ABCA5: variants seen among roughly 807,000 people sequenced by gnomAD.
ABCA5 encodes ATP binding cassette subfamily A member 5.
In ABCA5, 163 loss-of-function variants were observed where a neutral mutation model predicts 206.0. The ratio of observed to expected loss-of-function variants is 0.79; its 90% CI spans 0.70 to 0.90. ABCA5 has a LOEUF of 0.90. Ranked by LOEUF, ABCA5 falls within the 40% of genes least tolerant of loss-of-function variation. ABCA5 has a pLI of 0.00. For missense variants in ABCA5, 1,859 were observed against 1,912.9 expected, an observed-to-expected ratio of 0.97 and a Z score of 0.53; for synonymous variants, 609 against 613.8, an observed-to-expected ratio of 0.99 and a Z score of 0.11.
At chr17:69,302,281 C>A (rs494946) in intron 8 of ABCA5, among the ~76,000 whole-genome samples, 2 of 151,898 alleles carry the variant, frequency 1.3e-5, no homozygotes, top group Admixed American at 6.6e-5. Flanking sequence ...CCTGGGCCAA[C>A]AAAATCCACC....
intron 23 of ABCA5, among the ~76,000 whole-genome samples, chr17:69,267,488 T>G (rs1180534054): frequency 6.6e-6 from 1 of 152,222 alleles, no homozygotes; most frequent in East Asian, 1.9e-4. Flanking sequence ...ACAATCACTT[T>G]CATCTATTTT....
intron 1 of ABCA5, among the ~76,000 whole-genome samples, chr17:69,315,644 G>A (rs779394434): frequency 5.9e-5 from 9 of 152,192 alleles, no homozygotes; most frequent in Non-Finnish European, 1.0e-4. Flanking sequence ...TTAGCTGGGT[G>A]TGGTGGCACA....
rs1555584087 is a variant in ABCA5 at position 69,303,797 on chromosome 17, T to TATAC, written c.930+871_930+872insGTAT. Among the ~76,000 whole-genome samples the TATAC allele has an allele frequency of 6.1e-4, 4 of 6,546 alleles. 2 individuals carry two copies. The Non-Finnish European group carries it at 8.0e-3, about 13-fold the overall frequency. The allele number at this position is 6,546 out of a possible 152,430, so 4.3% of individuals were successfully genotyped here. A position where few individuals can be genotyped will look rare whatever the true frequency, so the allele number is the denominator to read the frequency against. On this transcript the variant is annotated intron_variant, in intron 7 of 38. Transcript: ENST00000392676. ...AAAAAAAAAAAAAAATATATATATA[T>TATAC]ATATATATATACATACATATATATA...
At chr17:69,263,887 G>A (rs2075179036) in intron 24 of ABCA5, among the ~76,000 whole-genome samples, 1 of 151,602 alleles carries the variant, frequency 6.6e-6, no homozygotes, top group South Asian at 2.1e-4. Flanking sequence ...TAGTAGAGAT[G>A]GTGTTTCACT....
At chr17:69,299,142 A>G (rs1052842186) in intron 9 of ABCA5, among the ~76,000 whole-genome samples, 5 of 152,172 alleles carry the variant, frequency 3.3e-5, no homozygotes, top group Admixed American at 2.0e-4. Flanking sequence ...GAGAATGGCC[A>G]TTATCGAAAC....
intron 35 of ABCA5, chr17:69,251,115 G>A (rs969489292): frequency 2.2e-4 from 34 of 152,968 alleles, no homozygotes; most frequent in African/African-American, 8.2e-4. Flanking sequence ...TGGGTTATGG[G>A]TTTTGGAGAG....
rs551319427 is a variant in ABCA5, at chr17:69,278,293, T to C, written c.2393-451A>G. Among the ~76,000 whole-genome samples the C allele has an allele frequency of 1.1e-4, 17 of 152,302 alleles. No homozygotes were observed. In the East Asian group the frequency reaches 3.3e-3, roughly 29 times the overall value. On this transcript the variant is annotated intron_variant, in intron 18 of 38. Coordinates refer to ENST00000392676, the MANE Select transcript of ABCA5 (RefSeq NM_172232.4). ...ACTGGATACATATCCATATTTAAGA[T>C]CTTATTATCTCTGTATCTGTATAAT...
At chr17:69,303,594 T>A (rs1443015109) in intron 7 of ABCA5, among the ~76,000 whole-genome samples, 1 of 144,298 alleles carries the variant, frequency 6.9e-6, no homozygotes, top group African/African-American at 2.6e-5. Context: ...TAAACTTAAT[T>A]TATTCATAAG....
In ABCA5 at chr17:69,306,821, G is replaced by T; in HGVS notation, c.692C>A (p.Pro231His). 6.3e-7 allele frequency: 1 copy of T among 1,596,454 alleles called. No homozygotes were observed. Residue 231 changes from proline (P) to histidine (H), a missense_variant, in exon 6 of 39, where the codon CCT (proline) becomes CAT (histidine). Transcript: ENST00000392676. The stretch of plus-strand genomic sequence containing the variant: ...ATGAATTGCCAAAAAGTATCCAAAA[G>T]GTGAAAATGCTATAACTAGGTATAT... The part of the protein sequence containing the change: ...ILIYLVIAFS[P>H]FGYFLAIHIV...
chr17:69,287,484 C>T, intron 15 of ABCA5, 129 bp downstream of exon 15: 1 of 1,298,504 alleles, frequency 7.7e-7, no homozygotes, highest in Non-Finnish European at 1.0e-6. Context: ...TTTTTTAGAA[C>T]TTTTTTTGTG....
At chr17:69,321,473 C>T (rs887853737) in intron 1 of ABCA5, among the ~76,000 whole-genome samples, 3 of 152,138 alleles carry the variant, frequency 2.0e-5, no homozygotes, top group African/African-American at 7.2e-5. Context: ...TCTTTCTATA[C>T]TAGAATTCCA....
intron 20 of ABCA5, 65 bp downstream of exon 20, chr17:69,273,894 T>C: frequency 6.9e-7 from 1 of 1,452,098 alleles, no homozygotes; most frequent in Non-Finnish European, 9.2e-7. Context: ...AATCCAGACC[T>C]TTATCCACCC....
At position 69,277,786 on chromosome 17, in the gene ABCA5, CAA is replaced by C. The variant is rs752885185; in HGVS notation, c.2447_2448del (p.Phe816Ter). 1 of 1,585,014 alleles carries C rather than the reference CAA, an allele frequency of 6.3e-7. No individual in the cohort carries two copies. Among genetic ancestry groups the C allele is most frequent in the East Asian group, 2.3e-5 (1 of 43,220 alleles). ...ATAAGTAAGCTCTGTTCCATTTCAT[CAA>C]AAGATTTTGAATCCATTTCTTCCTC... The part of the protein sequence containing the change: ...PLEEEMDSKS[F>X]DEMEQSLLIL... On this transcript the variant is annotated frameshift_variant, in exon 19 of 39. Transcript: ENST00000392676. LOFTEE classifies it high-confidence loss of function.
rs1370817396 is a variant in ABCA5 at position 69,259,768 on chromosome 17, G to A, written c.3669C>T (p.Phe1223=). The A allele has an allele frequency of 2.5e-6, 4 of 1,608,376 alleles. No individual in the cohort carries two copies. Among genetic ancestry groups the A allele is most frequent in the Non-Finnish European group, 3.4e-6 (4 of 1,176,042 alleles). Residue 1223 remains phenylalanine (F), a synonymous_variant, in exon 28 of 39, where the codon TTC becomes TTT. Coordinates refer to ENST00000392676, the MANE Select transcript of ABCA5 (RefSeq NM_172232.4). ...ATTTTTTCTCATAGTATTGTAAGAG[G>A]AAAATCCACAGTACACACTGCAGGT... The part of the protein sequence containing the change: ...SPYLQCVLWI[F]LLQYYEKKYG...
chr17:69,251,946 TTGG>T, intron 34 of ABCA5, 80 bp from the exon 35 acceptor site: 2 of 1,513,268 alleles, frequency 1.3e-6, no homozygotes, highest in Non-Finnish European at 1.8e-6. Context: ...ATCCAACCGG[TTGG>T]TTAATTAAGT....
intron 23 of ABCA5, among the ~76,000 whole-genome samples, chr17:69,266,336 C>T (rs374873731): frequency 2.0e-5 from 3 of 152,076 alleles, no homozygotes; most frequent in African/African-American, 7.2e-5. Flanking sequence ...AATGCCAATA[C>T]CCTGTTACAT....
At chr17:69,298,198 GCAAAACCC>G (rs2075603511) in intron 9 of ABCA5, among the ~76,000 whole-genome samples, 1 of 108,732 alleles carries the variant, frequency 9.2e-6, no homozygotes, top group Non-Finnish European at 1.9e-5. Flanking sequence ...AAAAGACACA[GCAAAACCC>G]TGTCGGAAGG....
chr17:69,266,689 T>G (rs2075212988), intron 23 of ABCA5, among the ~76,000 whole-genome samples: 2 of 148,932 alleles, frequency 1.3e-5, no homozygotes, highest in South Asian at 4.2e-4. Flanking sequence ...CCAGTAAATT[T>G]TATTATTGTG....
At position 69,326,448 on chromosome 17, in the gene ABCA5, C is replaced by T. The variant is rs76905625; in HGVS notation, c.-16+604G>A. ...AATAGCTCCAGCCTGCCCAGCTTTC[C>T]GATCCAATTAAGTATTTCCATGCCT... On this transcript the variant is annotated intron_variant, in intron 1 of 38. Transcript: ENST00000392676. This position sits in a 1 kb window ranked among gnomAD's most constrained non-coding sequence, Gnocchi z 4.8. Among the ~76,000 whole-genome samples, 1,785 of 152,308 alleles carry T rather than the reference C, an allele frequency of 0.012. 17 individuals are homozygous for T. Among genetic ancestry groups the T allele is most frequent in the Non-Finnish European group, 0.017 (1,141 of 68,018 alleles).
Sources: allele counts gnomAD v4.1 joint callset (sites outside exome capture counted in the v4.1 genomes callset), GRCh38; gene constraint gnomAD v4.1.1; non-coding constraint Gnocchi (gnomAD v3.1); transcripts MANE v1.5; gene names NCBI Gene and HGNC (gene_info 2026-07-23, HGNC 2026-07-21).